Variants in CLINT1 observed in about 807,000 individuals in gnomAD.
CLINT1 encodes clathrin interacting protein localized in the trans-Golgi region.
A neutral mutation model predicts 70.4 loss-of-function variants in CLINT1; 15 were observed. The ratio of observed to expected loss-of-function variants is 0.21; its 90% confidence interval spans 0.14 to 0.33. The LOEUF (loss-of-function observed/expected upper bound fraction) is 0.33, where lower values mean the gene tolerates loss of function less well. Ranked by LOEUF, CLINT1 falls within the 10% of genes least tolerant of loss-of-function variation. The pLI, the probability that CLINT1 is intolerant of heterozygous loss-of-function variation, is 1.00. For missense variants in CLINT1, 615 were observed against 778.1 expected, an observed-to-expected ratio of 0.79 and a Z score of 2.49; for synonymous variants, 227 against 254.7, an observed-to-expected ratio of 0.89 and a Z score of 1.04.
At chr5:157,792,054 A>C in intron 9 of CLINT1, 59 bp from the exon 10 acceptor site, 1 of 1,461,630 alleles carries the variant, frequency 6.8e-7, no homozygotes, top group Non-Finnish European at 9.3e-7. Context: ...AACAAATGTA[A>C]CAATCTATGA....
rs111335698 is a variant in CLINT1, at chr5:157,822,236, G to A, written c.42-4689C>T. ...TCTTTTTTTTTTTTTTATACTTTAA[G>A]TTCTAGGGTACATGTGCACAACGTG... On this transcript the variant is annotated intron_variant, in intron 1 of 11. Transcript: ENST00000411809. Among the ~76,000 whole-genome samples the A allele has an allele frequency of 1.7e-3, 256 of 150,276 alleles. 2 individuals are homozygous for A. The highest frequency in any genetic ancestry group is 6.8e-3 in the Middle Eastern group (2 of 294).
At chr5:157,853,794 A>G (rs950058621) in intron 1 of CLINT1, among the ~76,000 whole-genome samples, 7 of 151,276 alleles carry the variant, frequency 4.6e-5, no homozygotes, top group East Asian at 1.9e-4. Context: ...AAAAAAAAAA[A>G]AAAAAAAAGA....
At chr5:157,851,279 C>T (rs6881639) in intron 1 of CLINT1, among the ~76,000 whole-genome samples, 276 of 152,104 alleles carry the variant, frequency 1.8e-3, no homozygotes, top group African/African-American at 6.0e-3. Flanking sequence ...CACGCATGTA[C>T]GTTTACCACA....
chr5:157,849,204 CTTCA>C (rs1753488601), intron 1 of CLINT1, among the ~76,000 whole-genome samples: 2 of 152,282 alleles, frequency 1.3e-5, no homozygotes, highest in South Asian at 2.1e-4. Context: ...ATGCAGAAAA[CTTCA>C]TTGTTATTTT....
At chr5:157,857,323 G>A (rs192362346) in intron 1 of CLINT1, among the ~76,000 whole-genome samples, 196 of 151,514 alleles carry the variant, frequency 1.3e-3, no homozygotes, top group African/African-American at 4.7e-3. Flanking sequence ...CTAAAAAAAT[G>A]CCAATGAACC....
Position 157,809,774 on chromosome 5 carries a change from T to C in CLINT1, c.549A>G (p.Lys183=), listed in dbSNP as rs747200997. 2 of 1,612,966 alleles carry C rather than the reference T, an allele frequency of 1.2e-6. No individual in the cohort carries two copies. Among genetic ancestry groups the C allele is most frequent in the Non-Finnish European group, 1.7e-6 (2 of 1,179,460 alleles). Residue 183 remains lysine (K), a synonymous_variant, in exon 6 of 12, where the codon AAA becomes AAG. Transcript: ENST00000411809. ...SERYDPEPKS[K]WDEEWDKNKS... is the part of the protein sequence containing the mutation. ...TGTTTTTATCCCACTCCTCATCCCA[T>C]TTTGATTTGGGCTCAGGATCATATC...
intron 1 of CLINT1, among the ~76,000 whole-genome samples, chr5:157,857,118 A>G (rs1303119221): frequency 6.6e-6 from 1 of 151,738 alleles, no homozygotes; most frequent in Non-Finnish European, 1.5e-5. Flanking sequence ...ACGGTGATGC[A>G]TGCCTGTAGT....
At chr5:157,831,938 C>T (rs564644135) in intron 1 of CLINT1, among the ~76,000 whole-genome samples, 3 of 151,428 alleles carry the variant, frequency 2.0e-5, no homozygotes, top group East Asian at 2.0e-4. Context: ...GATCCACCCC[C>T]GCCCACCTCG....
At chr5:157,806,450 A>T (rs1347008534) in intron 6 of CLINT1, among the ~76,000 whole-genome samples, 2 of 152,208 alleles carry the variant, frequency 1.3e-5, no homozygotes, top group African/African-American at 4.8e-5. Context: ...TTGATATCAG[A>T]ATCCATGATA....
At chr5:157,820,457 T>G (rs1762847018) in intron 1 of CLINT1, among the ~76,000 whole-genome samples, 1 of 152,118 alleles carries the variant, frequency 6.6e-6, no homozygotes, top group Admixed American at 6.5e-5. Flanking sequence ...AGCTGTTGCT[T>G]TCAGAAACTG....
rs542385406 is a variant in CLINT1 at position 157,795,218 on chromosome 5, T to C, written c.1013-246A>G. On this transcript the variant is annotated intron_variant, in intron 8 of 11. Coordinates refer to ENST00000411809, the MANE Select transcript of CLINT1 (RefSeq NM_014666.4). ...AATGACACTGTATCTGTTGTTAAAA[T>C]TATCTCACTAATATTTCACAAGCAT... The C allele has an allele frequency of 2.5e-5, 11 of 436,730 alleles. No individual in the cohort carries two copies. In the East Asian group the frequency reaches 3.3e-4, roughly 13 times the overall value. The allele number at this position is 436,730 out of a possible 1,614,324, so 27.1% of individuals were successfully genotyped here. A position where few individuals can be genotyped will look rare whatever the true frequency, so the allele number is the denominator to read the frequency against.
At chr5:157,831,688 A>G (rs1287288044) in intron 1 of CLINT1, among the ~76,000 whole-genome samples, 1 of 146,508 alleles carries the variant, frequency 6.8e-6, no homozygotes, top group Non-Finnish European at 1.5e-5. Context: ...AAGAGTGAAA[A>G]TATCCTTTTT....
chr5:157,855,134 C>T (rs2113344321), intron 1 of CLINT1, among the ~76,000 whole-genome samples: 1 of 107,134 alleles, frequency 9.3e-6, no homozygotes, highest in East Asian at 2.5e-4. Flanking sequence ...ATAAAGTGAA[C>T]TGTCTCCGAA....
intron 1 of CLINT1, among the ~76,000 whole-genome samples, chr5:157,847,489 C>T (rs377072149): frequency 1.5e-4 from 22 of 150,780 alleles, no homozygotes; most frequent in East Asian, 3.9e-4. Flanking sequence ...CCAGCCTGGG[C>T]GACAGAGCAA....
chr5:157,808,798 GA>G (rs1268044968), intron 6 of CLINT1, among the ~76,000 whole-genome samples: 1 of 152,058 alleles, frequency 6.6e-6, no homozygotes, highest in Non-Finnish European at 1.5e-5. Context: ...CACTGGCACA[GA>G]ATCATAATGA....
intron 8 of CLINT1, among the ~76,000 whole-genome samples, chr5:157,797,006 G>A (rs17054909): frequency 0.13 from 20,349 of 152,052 alleles, 1,794 homozygotes; most frequent in African/African-American, 0.25. Flanking sequence ...CTAAAAGAGA[G>A]TATCACAGTG....
At chr5:157,823,159 T>C (rs576206786) in intron 1 of CLINT1, among the ~76,000 whole-genome samples, 1 of 152,198 alleles carries the variant, frequency 6.6e-6, no homozygotes, top group South Asian at 2.1e-4. Flanking sequence ...GACGTACGCA[T>C]GCATACACAC....
In CLINT1 at chr5:157,846,282, A is replaced by T. The variant is rs753723998; in HGVS notation, c.41+12648T>A. 2.1e-3 allele frequency among the ~76,000 whole-genome samples: 321 copies of T among 152,352 alleles called. 2 individuals carry two copies. The highest frequency in any genetic ancestry group is 2.9e-3 in the Non-Finnish European group (196 of 68,036). On this transcript the variant is annotated intron_variant, in intron 1 of 11. Coordinates refer to ENST00000411809, the MANE Select transcript of CLINT1 (RefSeq NM_014666.4). ...AGGAAATGTTCTTGAAGGAAATTTA[A>T]AGTGCTAGTCTAGTGAACACAACAA...
At chr5:157,830,717 A>T (rs1348217000) in intron 1 of CLINT1, among the ~76,000 whole-genome samples, 2 of 148,926 alleles carry the variant, frequency 1.3e-5, no homozygotes, top group East Asian at 3.9e-4. Flanking sequence ...CTCTACACAC[A>T]CACTCCCCCT....
Sources: gnomAD v4.1 joint callset for allele counts (sites outside exome capture counted in the v4.1 genomes callset) on GRCh38, gnomAD v4.1.1 for gene constraint, MANE v1.5 for transcripts, NCBI Gene and HGNC (gene_info 2026-07-23, HGNC 2026-07-21) for gene names.